The following GFRA1 variants were observed in gnomAD, a reference collection of about 807,000 sequenced individuals.
The protein encoded by GFRA1 is GDNF family receptor alpha-1.
Under a neutral mutation model 51.6 loss-of-function variants are expected in GFRA1, and 16 were observed. The observed-to-expected ratio is 0.31, with a 90% confidence interval of 0.21 to 0.47. The LOEUF (loss-of-function observed/expected upper bound fraction) is 0.47, where lower values mean the gene tolerates loss of function less well. Ranked by LOEUF, GFRA1 falls within the 20% of genes least tolerant of loss-of-function variation. The pLI is 1.00. For synonymous variants in GFRA1, 270 were observed against 241.3 expected, an observed-to-expected ratio of 1.12 and a Z score of -1.10; for missense variants, 530 against 594.3, an observed-to-expected ratio of 0.89 and a Z score of 1.13.
At chr10:116,269,936 G>A (rs1843767428) in intron 3 of GFRA1, among the ~76,000 whole-genome samples, 1 of 152,074 alleles carries the variant, frequency 6.6e-6, no homozygotes, top group South Asian at 2.1e-4. Flanking sequence ...AGGTGACCCA[G>A]GAAAGACCCT....
intron 6 of GFRA1, among the ~76,000 whole-genome samples, chr10:116,118,251 T>C (rs1957508320): frequency 6.6e-6 from 1 of 152,230 alleles, no homozygotes; most frequent in Admixed American, 6.5e-5. Context: ...TCGCTTCTCA[T>C]GGGTCAACTG....
intron 5 of GFRA1, among the ~76,000 whole-genome samples, chr10:116,140,554 G>A (rs144250185): frequency 1.3e-5 from 2 of 152,196 alleles, no homozygotes; most frequent in African/African-American, 4.8e-5. Context: ...ATTAAATGTG[G>A]CATTAGGAAA....
At chr10:116,201,735 C>T (rs1964349980) in intron 5 of GFRA1, among the ~76,000 whole-genome samples, 1 of 152,166 alleles carries the variant, frequency 6.6e-6, no homozygotes, top group South Asian at 2.1e-4. Context: ...GCTAAGTCCC[C>T]TGGGGTCCCT....
intron 4 of GFRA1, among the ~76,000 whole-genome samples, chr10:116,246,715 A>C (rs893317378): frequency 6.6e-6 from 1 of 152,228 alleles, no homozygotes; most frequent in East Asian, 1.9e-4. Flanking sequence ...TAGTAAATTA[A>C]AGGATGACTA....
intron 4 of GFRA1, among the ~76,000 whole-genome samples, chr10:116,220,079 C>T (rs1195922584): frequency 6.6e-6 from 1 of 152,152 alleles, no homozygotes; most frequent in Non-Finnish European, 1.5e-5. Flanking sequence ...TATTTGTAAT[C>T]TTATGCATGC....
intron 4 of GFRA1, among the ~76,000 whole-genome samples, chr10:116,256,123 G>A (rs1319246911): frequency 6.6e-6 from 1 of 152,122 alleles, no homozygotes; most frequent in African/African-American, 2.4e-5. Context: ...GCAACCTTAT[G>A]AACTGGATAC....
chr10:116,246,179 C>T (rs542300886), intron 4 of GFRA1, among the ~76,000 whole-genome samples: 12 of 152,318 alleles, frequency 7.9e-5, no homozygotes, highest in African/African-American at 2.2e-4. Flanking sequence ...TTGGTTCATG[C>T]CTGTAATCCC....
chr10:116,147,043 TGA>T (rs1032858778), intron 5 of GFRA1, among the ~76,000 whole-genome samples: 5 of 129,542 alleles, frequency 3.9e-5, no homozygotes, highest in African/African-American at 1.2e-4. Context: ...TGTGTGTGTG[TGA>T]GAGAGAGAGA....
chr10:116,109,163 G>C (rs1957104987), intron 6 of GFRA1, among the ~76,000 whole-genome samples: 1 of 152,194 alleles, frequency 6.6e-6, no homozygotes, highest in Non-Finnish European at 1.5e-5. Context: ...AGGTCCCAGA[G>C]AGGTCCACGA....
intron 4 of GFRA1, among the ~76,000 whole-genome samples, chr10:116,218,066 GATT>G (rs1965680416): frequency 6.6e-6 from 1 of 152,088 alleles, no homozygotes; most frequent in African/African-American, 2.4e-5. Context: ...CCTATGAATG[GATT>G]ATTTTTAAGC....
At chr10:116,073,746 C>T (rs901907586) in intron 9 of GFRA1, among the ~76,000 whole-genome samples, 1 of 152,180 alleles carries the variant, frequency 6.6e-6, no homozygotes, top group African/African-American at 2.4e-5. Flanking sequence ...CATGCATCCT[C>T]ATCACCATCA....
chr10:116,271,080 G>T lies in GFRA1; in HGVS notation c.76C>A (p.Arg26Ser), dbSNP rs769858576. The stretch of plus-strand genomic sequence containing the variant: ...TCACTGGCTTTCACGCAATCCAGGC[G>T]GTCTCCGCCGCTCACTTCGGCCGAC... ...LLSAEVSGGD[R>S]LDCVKASDQC... Residue 26 changes from arginine (R) to serine (S), a missense_variant, in exon 3 of 11, where the codon CGC becomes AGC. By Grantham distance (110) the Arg-to-Ser change is moderately radical (BLOSUM62 -1). Coordinates refer to ENST00000355422, the MANE Select transcript of GFRA1 (RefSeq NM_005264.8). 1.2e-6 allele frequency: 2 copies of T among 1,610,516 alleles called. No individual in the cohort carries two copies. Among genetic ancestry groups the T allele is most frequent in the Non-Finnish European group, 1.7e-6 (2 of 1,177,076 alleles).
intron 4 of GFRA1, among the ~76,000 whole-genome samples, chr10:116,237,312 A>T (rs1352237221): frequency 6.6e-6 from 1 of 152,182 alleles, no homozygotes; most frequent in African/African-American, 2.4e-5. Context: ...TAAAACATTT[A>T]ACCACACCTC....
At chr10:116,241,859 T>C (rs917030765) in intron 4 of GFRA1, among the ~76,000 whole-genome samples, 1 of 152,156 alleles carries the variant, frequency 6.6e-6, no homozygotes, top group African/African-American at 2.4e-5. Context: ...CAGCCATTCT[T>C]ACTGGAAGGC....
At chr10:116,068,783 G>T (rs1399499880) in intron 9 of GFRA1, among the ~76,000 whole-genome samples, 1 of 152,180 alleles carries the variant, frequency 6.6e-6, no homozygotes, top group African/African-American at 2.4e-5. Context: ...TCACTGTCTT[G>T]CTAGTCAGGT....
At chr10:116,096,579 C>T in intron 7 of GFRA1, 76 bp downstream of exon 7, 1 of 808,714 alleles carries the variant, frequency 1.2e-6, no homozygotes, top group South Asian at 1.4e-5. Context: ...CTGCAGACAT[C>T]AGCAAGGCGC....
intron 5 of GFRA1, among the ~76,000 whole-genome samples, chr10:116,183,389 C>T (rs1299309103): frequency 3.9e-5 from 6 of 152,318 alleles, no homozygotes; most frequent in Admixed American, 3.3e-4. Flanking sequence ...TCTCCACAGC[C>T]CCATGAGCTT....
At chr10:116,088,034 C>T (rs1365937246) in intron 9 of GFRA1, among the ~76,000 whole-genome samples, 23 of 152,116 alleles carry the variant, frequency 1.5e-4, no homozygotes, top group Admixed American at 1.5e-3. Flanking sequence ...ATTTCGTTAT[C>T]AGCCTCTCCT....
intron 5 of GFRA1, among the ~76,000 whole-genome samples, chr10:116,204,153 G>C (rs1448729469): frequency 1.3e-5 from 2 of 152,208 alleles, no homozygotes; most frequent in Non-Finnish European, 2.9e-5. Flanking sequence ...ACTGAACCCA[G>C]GTAGACTGAC....
Sources: allele counts gnomAD v4.1 joint callset (sites outside exome capture counted in the v4.1 genomes callset), GRCh38; gene constraint gnomAD v4.1.1; transcripts MANE v1.5; gene names NCBI Gene and HGNC (gene_info 2026-07-23, HGNC 2026-07-21).